UTY: variants seen among roughly 807,000 people sequenced by gnomAD.
UTY encodes ubiquitously transcribed tetratricopeptide repeat containing, Y-linked.
UTY carries 12 observed loss-of-function variants against 32.5 expected under a neutral mutation model. The ratio of observed to expected loss-of-function variants is 0.37; its 90% CI spans 0.24 to 0.60. UTY has a LOEUF of 0.60. Ranked by LOEUF, UTY falls within the 20% of genes least tolerant of loss-of-function variation. The probability of loss-of-function intolerance (pLI) is 0.69; values close to 1 mark genes in which losing one functional copy is unlikely to be tolerated. For synonymous variants in UTY, 131 were observed against 103.4 expected (o/e 1.27, Z -1.62); for missense variants, 303 against 299.2 (o/e 1.01, Z -0.09).
Position 13,250,162 on chromosome Y carries a change from A to G in UTY, c.4309-280T>C, listed in dbSNP as rs780113068. 2.7e-4 allele frequency among the ~76,000 whole-genome samples: 9 copies of G among 33,221 alleles called. No homozygotes were observed. The East Asian group carries it at 7.3e-3, about 27-fold the overall frequency. The allele number at this position is 33,221 out of a possible 37,273, so 89.1% of individuals were successfully genotyped here. On this transcript the variant is annotated intron_variant, in intron 29 of 29. Coordinates refer to ENST00000545955, the MANE Select transcript of UTY (RefSeq NM_001258249.2). The stretch of plus-strand genomic sequence containing the variant: ...CAGCCTCCGAGTAGCTGGGATTATA[A>G]ACATCCACCACCTTGCATGGCCAAT...
chrY:13,342,377 C>T, intron 17 of UTY, among the ~76,000 whole-genome samples: 1 of 33,883 alleles, frequency 3.0e-5, no homozygotes, highest in African/African-American at 1.2e-4. Flanking sequence ...GATTTGCAGG[C>T]CATATATAAA....
chrY:13,396,780 C>T, intron 7 of UTY, 138 bp downstream of exon 7: 1 of 128,828 alleles, frequency 7.8e-6, no homozygotes, highest in African/African-American at 9.1e-5. Context: ...AACTCAACTC[C>T]AGTGATTTAA....
downstream of UTY, among the ~76,000 whole-genome samples, chrY:13,245,267 C>T (rs764597761): frequency 1.5e-4 from 5 of 33,467 alleles, no homozygotes; most frequent in South Asian, 1.3e-3. Context: ...TGCACTAACC[C>T]GAAGAGATCT....
rs756480104 is a variant in UTY, at chrY:13,291,204, G to A, written c.4010+6503C>T. 4.5e-4 allele frequency among the ~76,000 whole-genome samples: 15 copies of A among 33,260 alleles called. No individual in the cohort carries two copies. In the East Asian group the frequency reaches 0.012, roughly 26 times the overall value. 89.2% of individuals were successfully genotyped at this position (33,260 alleles called of 37,273 possible). On this transcript the variant is annotated intron_variant, in intron 27 of 29. Transcript: ENST00000545955. ...ATCCTACTCAAACTGTTCTGAAAAA[G>A]AGGAGGAAGAGATACTTCTAAACCC...
intron 8 of UTY, among the ~76,000 whole-genome samples, chrY:13,392,664 A>G (rs2067698904): frequency 3.0e-5 from 1 of 33,468 alleles, no homozygotes; most frequent in African/African-American, 1.2e-4. Flanking sequence ...AGAACCAGCC[A>G]GTTAAATGTT....
intron 27 of UTY, among the ~76,000 whole-genome samples, chrY:13,263,073 T>C (rs2055434081): frequency 3.0e-5 from 1 of 33,127 alleles, no homozygotes; most frequent in Admixed American, 2.8e-4. Flanking sequence ...TAAGAATGAA[T>C]AGTATTTCTA....
At chrY:13,306,656 A>G (rs1056346630) in intron 21 of UTY, among the ~76,000 whole-genome samples, 1 of 33,339 alleles carries the variant, frequency 3.0e-5, no homozygotes. Context: ...CTAATTATAT[A>G]TTAAAACAAA....
At chrY:13,361,409 C>T (rs2063534496) in intron 10 of UTY, among the ~76,000 whole-genome samples, 1 of 32,676 alleles carries the variant, frequency 3.1e-5, no homozygotes, top group South Asian at 6.7e-4. Flanking sequence ...AAACGTGTAC[C>T]GACAAAACCA....
intron 9 of UTY, among the ~76,000 whole-genome samples, 170 bp downstream of exon 9, chrY:13,369,086 T>C (rs2064605827): frequency 3.0e-5 from 1 of 33,677 alleles, no homozygotes; most frequent in Non-Finnish European, 7.4e-5. Context: ...AATAAAATTA[T>C]TTATTTAAAA....
chrY:13,401,871 C>CA (rs2069184392), intron 6 of UTY, among the ~76,000 whole-genome samples: 1 of 29,341 alleles, frequency 3.4e-5, no homozygotes, highest in East Asian at 8.7e-4. Flanking sequence ...GACTCCGTCT[C>CA]AAAAAAAAAG....
At chrY:13,395,419 A>G in intron 7 of UTY, among the ~76,000 whole-genome samples, 2 of 32,588 alleles carry the variant, frequency 6.1e-5, no homozygotes, top group African/African-American at 2.4e-4. Context: ...TGAGCCTAGG[A>G]GTTCAAGAAC....
intron 3 of UTY, among the ~76,000 whole-genome samples, chrY:13,453,729 T>C: frequency 3.0e-5 from 1 of 33,476 alleles, no homozygotes; most frequent in Non-Finnish European, 7.4e-5. Flanking sequence ...TATGAGACTA[T>C]CACTTCACAC....
intron 27 of UTY, among the ~76,000 whole-genome samples, chrY:13,290,274 A>AC (rs2057688543): frequency 6.0e-5 from 2 of 33,084 alleles, no homozygotes; most frequent in Non-Finnish European, 1.5e-4. Context: ...AACAACAACA[A>AC]AAAAAAAGCA....
intron 3 of UTY, among the ~76,000 whole-genome samples, chrY:13,454,339 C>A (rs2076593262): frequency 3.1e-5 from 1 of 32,558 alleles, no homozygotes; most frequent in African/African-American, 1.2e-4. Flanking sequence ...GGAAAAAAAA[C>A]CAAAGCATTC....
chrY:13,479,570 T>C lies in UTY; in HGVS notation c.96A>G (p.Glu32=). 1 of 398,820 alleles carries C rather than the reference T, an allele frequency of 2.5e-6. No homozygotes were observed. The highest frequency in any genetic ancestry group is 3.5e-6 in the Non-Finnish European group (1 of 283,636). The part of the protein sequence containing the change: ...MAEGKASRES[E]EESVSLTVEE... ...CGACTGTCAGGCTAACAGACTCCTC[T>C]TCACTCTCGCGGCTCGCTTTTCCTT... The change falls in exon 1 of 30, where the codon GAA becomes GAG. Residue 32 remains glutamate, a synonymous_variant. Coordinates refer to ENST00000545955, the MANE Select transcript of UTY (RefSeq NM_001258249.2).
chrY:13,285,629 A>G, intron 27 of UTY, among the ~76,000 whole-genome samples: 1 of 34,229 alleles, frequency 2.9e-5, no homozygotes, highest in African/African-American at 1.1e-4. Context: ...AAGAGAAAAA[A>G]TGGCAGTTGG....
intron 3 of UTY, among the ~76,000 whole-genome samples, chrY:13,465,806 T>C (rs2077851557): frequency 3.0e-5 from 1 of 33,300 alleles, no homozygotes; most frequent in Non-Finnish European, 7.4e-5. Flanking sequence ...CCTGGCATTA[T>C]AAGCCTTAAT....
At chrY:13,274,457 A>G (rs563998283) in intron 27 of UTY, among the ~76,000 whole-genome samples, 1 of 32,816 alleles carries the variant, frequency 3.0e-5, no homozygotes, top group South Asian at 7.0e-4. Context: ...ACAAACCTGC[A>G]TGTTCTGCAG....
chrY:13,427,508 C>G (rs2149807686), intron 4 of UTY, among the ~76,000 whole-genome samples: 1 of 33,230 alleles, frequency 3.0e-5, no homozygotes, highest in South Asian at 6.5e-4. Flanking sequence ...AAAAGACACT[C>G]CACAAAAATG....
Sources: gnomAD v4.1 joint callset for allele counts (sites outside exome capture counted in the v4.1 genomes callset) on GRCh38, gnomAD v4.1.1 for gene constraint, MANE v1.5 for transcripts, NCBI Gene and HGNC (gene_info 2026-07-23, HGNC 2026-07-21) for gene names.